The following MEGF6 variants were observed in gnomAD, a reference collection of about 807,000 sequenced individuals.
MEGF6 encodes multiple EGF like domains 6.
In MEGF6, 184 loss-of-function variants were observed where a neutral mutation model predicts 207.1. The observed-to-expected ratio is 0.89, with a 90% CI of 0.79 to 1.00. MEGF6 has a LOEUF of 1.00. Ranked by LOEUF, MEGF6 falls within the 50% of genes least tolerant of loss-of-function variation. The pLI, the probability that MEGF6 is intolerant of heterozygous loss-of-function variation, is 0.00. For missense variants in MEGF6, 2,282 were observed against 2,202.9 expected, an observed-to-expected ratio of 1.04 and a Z score of -0.72; for synonymous variants, 1,038 against 910.0, an observed-to-expected ratio of 1.14 and a Z score of -2.53.
At chr1:3,516,049 C>A (rs1460189547) in intron 5 of MEGF6, among the ~76,000 whole-genome samples, 1 of 152,208 alleles carries the variant, frequency 6.6e-6, no homozygotes, top group Non-Finnish European at 1.5e-5. Flanking sequence ...AGGCTTGGCC[C>A]CCAGTTCCCA....
intron 4 of MEGF6, among the ~76,000 whole-genome samples, chr1:3,545,939 GC>G (rs1642689010): frequency 6.6e-6 from 1 of 152,220 alleles, no homozygotes; most frequent in Admixed American, 6.5e-5. Flanking sequence ...CAGCAGGCTG[GC>G]CCCTGCCCCC....
At chr1:3,577,266 G>A (rs1643669672) in intron 4 of MEGF6, among the ~76,000 whole-genome samples, 1 of 152,176 alleles carries the variant, frequency 6.6e-6, no homozygotes, top group South Asian at 2.1e-4. Context: ...GCTACCCAAG[G>A]GCCACAAGCC....
rs151154310 is a variant in MEGF6 at position 3,568,152 on chromosome 1, A to G, written c.481+11673T>C. Among the ~76,000 whole-genome samples, 842 of 152,256 alleles carry G rather than the reference A, an allele frequency of 5.5e-3. 5 individuals carry two copies. The highest frequency in any genetic ancestry group is 0.019 in the African/African-American group (769 of 41,562). On this transcript the variant is annotated intron_variant, in intron 4 of 36. Coordinates refer to ENST00000356575, the MANE Select transcript of MEGF6 (RefSeq NM_001409.4). ...ACAGGCTGCAATTTGACTCGTCAACATGTCTACTGCAGCCAGGGCCTCTGG... is the reference window on the plus strand; with the variant it reads ...ACAGGCTGCAATTTGACTCGTCAACGTGTCTACTGCAGCCAGGGCCTCTGG...
chr1:3,508,968 G>A (rs1641223970), intron 12 of MEGF6, 107 bp downstream of exon 12: 4 of 1,285,950 alleles, frequency 3.1e-6, no homozygotes, highest in Non-Finnish European at 4.2e-6. Context: ...CATTGCAGGG[G>A]TCCTTCCTCA....
intron 26 of MEGF6, chr1:3,497,586 C>T: frequency 1.4e-6 from 1 of 703,374 alleles, no homozygotes; most frequent in Non-Finnish European, 2.6e-6. Context: ...GCACAGCGCC[C>T]CTCACAGTGA....
At chr1:3,507,234 TTA>T (rs1641151706) in intron 14 of MEGF6, among the ~76,000 whole-genome samples, 3 of 152,188 alleles carry the variant, frequency 2.0e-5, no homozygotes, top group African/African-American at 4.8e-5. Flanking sequence ...GGCAGAAAGT[TTA>T]TGATACGTTA....
Position 3,524,199 on chromosome 1 carries a change from C to CGCACCGGTGCTGGCAG in MEGF6, c.513_528dup (p.Val177LeufsTer15). 6.2e-7 allele frequency: 1 copy of CGCACCGGTGCTGGCAG among 1,612,866 alleles called. No homozygotes were observed. The highest frequency in any genetic ancestry group is 8.5e-7 in the Non-Finnish European group (1 of 1,179,798). On this transcript the variant is annotated frameshift_variant, in exon 5 of 37. Coordinates refer to ENST00000356575, the MANE Select transcript of MEGF6 (RefSeq NM_001409.4). LOFTEE classifies it high-confidence loss of function. Reference sequence around the variant, plus strand: ...CAGAGGTAGGAGCCTGGGGTGTTCACGCACCGGTGCTGGCAGCCACCGTTG... The same window carrying CGCACCGGTGCTGGCAG: ...CAGAGGTAGGAGCCTGGGGTGTTCACGCACCGGTGCTGGCAGGCACCGGTGCTGGCAGCCACCGTTG...
intron 4 of MEGF6, among the ~76,000 whole-genome samples, chr1:3,543,623 T>C (rs1642601983): frequency 6.6e-6 from 1 of 152,222 alleles, no homozygotes; most frequent in Non-Finnish European, 1.5e-5. Flanking sequence ...GCGTCGGCAC[T>C]GCTGGGAGGC....
At chr1:3,596,427 C>A (rs1199172832) in intron 2 of MEGF6, among the ~76,000 whole-genome samples, 1 of 151,322 alleles carries the variant, frequency 6.6e-6, no homozygotes, top group Admixed American at 6.6e-5. Flanking sequence ...AGCCCGGCCA[C>A]CTCAGGGCAC....
At chr1:3,493,636 A>AC in intron 34 of MEGF6, 135 bp downstream of exon 34, 1 of 1,243,424 alleles carries the variant, frequency 8.0e-7, no homozygotes. Context: ...CCCAGGGGGC[A>AC]CAGTCCAGGT....
chr1:3,516,367 TAGGG>T (rs1159266634), intron 5 of MEGF6, among the ~76,000 whole-genome samples: 1 of 152,160 alleles, frequency 6.6e-6, no homozygotes, highest in African/African-American at 2.4e-5. Flanking sequence ...GCCTTGTGGT[TAGGG>T]AGGGAGTCAG....
chr1:3,505,514 C>T lies in MEGF6; in HGVS notation c.1961G>A (p.Cys654Tyr), dbSNP rs776610249. 1 of 1,602,212 alleles carries T rather than the reference C, an allele frequency of 6.2e-7. No individual in the cohort carries two copies. Among genetic ancestry groups the T allele is most frequent in the South Asian group, 1.1e-5 (1 of 89,644 alleles). ...CTGCGTGTGGGGCTGCACACACTGG[C>T]ACTCCTCCGAGCAGCCCGGCCCAAA... ...WAFGPGCSEE[C>Y]QCVQPHTQSC... The change falls in exon 16 of 37, where the codon TGC becomes TAC. Residue 654 changes from cysteine to tyrosine, a missense_variant. Transcript: ENST00000356575.
intron 24 of MEGF6, 136 bp downstream of exon 24, chr1:3,499,002 G>T: frequency 7.0e-7 from 1 of 1,420,652 alleles, no homozygotes. Context: ...AGGGGCACAG[G>T]TGAAAGGCAC....
At chr1:3,600,188 C>T (rs1026177528) in intron 2 of MEGF6, among the ~76,000 whole-genome samples, 1 of 152,204 alleles carries the variant, frequency 6.6e-6, no homozygotes, top group African/African-American at 2.4e-5. Flanking sequence ...CTCAAATGCT[C>T]AGTGCCCCGG....
intron 3 of MEGF6, among the ~76,000 whole-genome samples, chr1:3,581,571 C>T (rs1643799351): frequency 6.6e-6 from 1 of 152,226 alleles, no homozygotes; most frequent in African/African-American, 2.4e-5. Flanking sequence ...TGCCTGCTGA[C>T]TTGTGCAACT....
At chr1:3,490,689 C>G in intron 36 of MEGF6, 100 bp from the exon 37 acceptor site, 2 of 1,058,442 alleles carry the variant, frequency 1.9e-6, no homozygotes, top group South Asian at 1.4e-5. Context: ...CCCCTCCCTT[C>G]AGCAGCTCAG....
chr1:3,546,898 C>A (rs566395941), intron 4 of MEGF6: 13 of 42,508 alleles, frequency 3.1e-4, no homozygotes, highest in African/African-American at 9.4e-4. Flanking sequence ...GGCTGCCAGG[C>A]GGGGTGGCAG....
rs554227296 is a variant in MEGF6 at position 3,506,153 on chromosome 1, C to A, written c.1873G>T (p.Ala625Ser). 27 of 1,597,798 alleles carry A rather than the reference C, an allele frequency of 1.7e-5. No homozygotes were observed. The East Asian group carries it at 5.2e-4, about 31-fold the overall frequency. The change falls in exon 15 of 37, where the codon GCC becomes TCC. Residue 625 changes from alanine to serine, a missense_variant. Coordinates refer to ENST00000356575, the MANE Select transcript of MEGF6 (RefSeq NM_001409.4). ...TAGAGCCCTGGGTCGCAGAGGCAGG[C>A]CCCGTAGAGGCGGTGGCACCGGCCC... ...NRGRCHRLYG[A>S]CLCDPGLYGR...
At chr1:3,508,244 C>T (rs1461673126) in intron 13 of MEGF6, among the ~76,000 whole-genome samples, 1 of 152,206 alleles carries the variant, frequency 6.6e-6, no homozygotes, top group African/African-American at 2.4e-5. Context: ...TCAGCAGACA[C>T]CCCTCACTGT....
Sources: gnomAD v4.1 joint callset for allele counts (sites outside exome capture counted in the v4.1 genomes callset) on GRCh38, gnomAD v4.1.1 for gene constraint, MANE v1.5 for transcripts, NCBI Gene and HGNC (gene_info 2026-07-23, HGNC 2026-07-21) for gene names.